Variants in CPED1 observed in about 807,000 individuals in gnomAD.
CPED1 encodes cadherin-like and PC-esterase domain-containing protein 1.
Under a neutral mutation model 128.2 loss-of-function variants are expected in CPED1, and 114 were observed. The ratio of observed to expected loss-of-function variants is 0.89; its 90% CI spans 0.76 to 1.04. The LOEUF (loss-of-function observed/expected upper bound fraction) is 1.04. CPED1 is among the 50% of genes least tolerant of loss of function. CPED1 has a pLI of 0.00. For missense variants in CPED1, 1,211 were observed against 1,207.1 expected (o/e 1.00, Z -0.05); for synonymous variants, 462 against 426.7 (o/e 1.08, Z -1.02).
chr7:121,210,771 AATCTATTATAC>A (rs1328150206), intron 16 of CPED1, among the ~76,000 whole-genome samples: 2 of 151,980 alleles, frequency 1.3e-5, no homozygotes, highest in Non-Finnish European at 2.9e-5. Context: ...AGTCAACAAT[AATCTATTATAC>A]ATTTGAAAAT....
chr7:121,193,251 T>C (rs1563060572), intron 16 of CPED1, among the ~76,000 whole-genome samples: 2 of 152,148 alleles, frequency 1.3e-5, no homozygotes, highest in African/African-American at 2.4e-5. Context: ...TATGAACAAA[T>C]GTTTGATGAA....
chr7:121,066,715 G>A (rs1196122450), intron 5 of CPED1, among the ~76,000 whole-genome samples: 2 of 152,048 alleles, frequency 1.3e-5, no homozygotes, highest in East Asian at 3.9e-4. Context: ...TTTATTTATA[G>A]CAATAATGGT....
chr7:121,199,310 C>T (rs1797335155), intron 16 of CPED1, among the ~76,000 whole-genome samples: 1 of 151,922 alleles, frequency 6.6e-6, no homozygotes, highest in Admixed American at 6.6e-5. Flanking sequence ...ACTGGCTTTC[C>T]CAACCATAAT....
At chr7:121,205,013 T>A (rs1797486821) in intron 16 of CPED1, among the ~76,000 whole-genome samples, 1 of 152,108 alleles carries the variant, frequency 6.6e-6, no homozygotes, top group South Asian at 2.1e-4. Flanking sequence ...CTTTTCATTA[T>A]TAAGTAAAGA....
intron 16 of CPED1, among the ~76,000 whole-genome samples, chr7:121,155,430 G>T (rs1796263133): frequency 1.3e-5 from 2 of 152,138 alleles, no homozygotes; most frequent in South Asian, 4.1e-4. Context: ...GAACAAAACT[G>T]CAGACATCAC....
intron 3 of CPED1, among the ~76,000 whole-genome samples, chr7:121,034,896 T>A (rs955579229): frequency 7.9e-5 from 12 of 152,038 alleles, no homozygotes; most frequent in African/African-American, 2.4e-4. Context: ...ATAGAAGCAG[T>A]CTGAAGGGCA....
chr7:121,295,625 G>A lies in CPED1; in HGVS notation c.3054G>A (p.Arg1018=). The A allele has an allele frequency of 2.5e-6, 4 of 1,613,948 alleles. No homozygotes were observed. The highest frequency in any genetic ancestry group is 3.3e-5 in the Admixed American group (2 of 60,004). The change falls in exon 23 of 23, where the codon AGG becomes AGA. Residue 1018 remains arginine, a synonymous_variant. Coordinates refer to ENST00000310396, the MANE Select transcript of CPED1 (RefSeq NM_024913.5). Reference sequence around the variant, plus strand: ...TTTGTTCTGAAATCCTTCTCAGCAGGATGTGTGCAAATAAAAGGACTATGT... The same window carrying A: ...TTTGTTCTGAAATCCTTCTCAGCAGAATGTGTGCAAATAAAAGGACTATGT... ...NQVCSEILLS[R]MCANKRTM
intron 3 of CPED1, among the ~76,000 whole-genome samples, chr7:121,044,913 CT>C (rs527744610): frequency 1.3e-5 from 2 of 152,106 alleles, no homozygotes; most frequent in Non-Finnish European, 2.9e-5. Flanking sequence ...TGAAATCCCT[CT>C]GTGCATATCC....
chr7:121,115,797 CTT>C (rs1388488633), intron 7 of CPED1, among the ~76,000 whole-genome samples: 1 of 152,156 alleles, frequency 6.6e-6, no homozygotes, highest in Non-Finnish European at 1.5e-5. Flanking sequence ...TTGGTTTTAA[CTT>C]TAATAGAAAT....
intron 16 of CPED1, among the ~76,000 whole-genome samples, chr7:121,212,677 C>G (rs1797674848): frequency 7.9e-6 from 1 of 125,916 alleles, no homozygotes; most frequent in African/African-American, 2.9e-5. Flanking sequence ...AAACAAATGT[C>G]TGTTAAAGGA....
intron 3 of CPED1, among the ~76,000 whole-genome samples, chr7:121,046,257 C>G (rs1038206251): frequency 6.6e-6 from 1 of 152,110 alleles, no homozygotes; most frequent in Non-Finnish European, 1.5e-5. Flanking sequence ...GTGTTATACT[C>G]CATAGTTTGA....
At chr7:121,229,974 G>A (rs549467851) in intron 16 of CPED1, among the ~76,000 whole-genome samples, 4 of 152,066 alleles carry the variant, frequency 2.6e-5, no homozygotes, top group Non-Finnish European at 4.4e-5. Flanking sequence ...AGCCAAAGAG[G>A]AGGACCACAG....
At chr7:121,164,183 T>C (rs189735744) in intron 16 of CPED1, among the ~76,000 whole-genome samples, 1 of 152,336 alleles carries the variant, frequency 6.6e-6, no homozygotes, top group Admixed American at 6.5e-5. Context: ...CACTGCTGGA[T>C]ACTTGGCCCA....
At chr7:121,205,852 A>T (rs1470767548) in intron 16 of CPED1, among the ~76,000 whole-genome samples, 1 of 152,104 alleles carries the variant, frequency 6.6e-6, no homozygotes, top group Non-Finnish European at 1.5e-5. Flanking sequence ...GCAAGTAGAA[A>T]GCTGAAGGTT....
At chr7:121,292,667 G>T (rs1197907338) in intron 22 of CPED1, among the ~76,000 whole-genome samples, 2 of 152,056 alleles carry the variant, frequency 1.3e-5, no homozygotes, top group Non-Finnish European at 2.9e-5. Flanking sequence ...CCTACCTTTG[G>T]TCTTTGATGT....
chr7:121,169,261 CAG>C (rs34650699), intron 16 of CPED1, among the ~76,000 whole-genome samples: 64,863 of 151,640 alleles, frequency 0.43, 15,272 homozygotes, highest in East Asian at 0.84. Flanking sequence ...ATTCATAAGA[CAG>C]TATTAAAATG....
At chr7:121,011,461 C>T (rs1792162185) in intron 2 of CPED1, among the ~76,000 whole-genome samples, 1 of 152,036 alleles carries the variant, frequency 6.6e-6, no homozygotes. Flanking sequence ...AAGTCTTAAC[C>T]ACTTTCTGTT....
intron 22 of CPED1, among the ~76,000 whole-genome samples, chr7:121,291,776 T>C (rs1792708447): frequency 1.3e-5 from 2 of 152,154 alleles, no homozygotes; most frequent in South Asian, 4.1e-4. Context: ...TCTCTTCCTA[T>C]TTGAATACGC....
chr7:121,130,038 A>C, intron 11 of CPED1, 87 bp from the exon 12 acceptor site: 1 of 1,088,660 alleles, frequency 9.2e-7, no homozygotes, highest in Admixed American at 2.5e-5. Flanking sequence ...TGACTTTTTA[A>C]ATAAATGACT....
Sources: gnomAD v4.1 joint callset for allele counts (sites outside exome capture counted in the v4.1 genomes callset) on GRCh38, gnomAD v4.1.1 for gene constraint, MANE v1.5 for transcripts, NCBI Gene and HGNC (gene_info 2026-07-23, HGNC 2026-07-21) for gene names.